CEP162: variants seen among roughly 807,000 people sequenced by gnomAD.
CEP162 encodes centrosomal protein of 162 kDa.
Under a neutral mutation model 169.2 loss-of-function variants are expected in CEP162, and 141 were observed. The observed-to-expected ratio is 0.83, with a 90% CI of 0.73 to 0.96. The LOEUF is 0.96. CEP162 is among the 40% of genes least tolerant of loss of function. CEP162 has a pLI of 0.00. For missense variants in CEP162, 1,600 were observed against 1,587.2 expected (o/e 1.01, Z -0.14); for synonymous variants, 540 against 526.4 (o/e 1.03, Z -0.35).
intron 6 of CEP162, among the ~76,000 whole-genome samples, chr6:84,208,825 A>G (rs563754950): frequency 6.6e-6 from 1 of 152,276 alleles, no homozygotes; most frequent in Non-Finnish European, 1.5e-5. Flanking sequence ...CAAGATAGTT[A>G]TAAGTAATTA....
At chr6:84,155,944 C>G (rs1011578597) in intron 21 of CEP162, among the ~76,000 whole-genome samples, 2 of 152,090 alleles carry the variant, frequency 1.3e-5, no homozygotes, top group Non-Finnish European at 2.9e-5. Context: ...GCAAAAAGAA[C>G]AAAGCTGGAG....
intron 7 of CEP162, among the ~76,000 whole-genome samples, chr6:84,202,521 T>TG (rs1296687811): frequency 1.9e-5 from 2 of 107,648 alleles, no homozygotes; most frequent in Non-Finnish European, 3.7e-5. Context: ...TTTCTTTCTT[T>TG]TTTTTTTTTT....
At chr6:84,129,482 T>G (rs187394438) in intron 25 of CEP162, among the ~76,000 whole-genome samples, 1 of 152,252 alleles carries the variant, frequency 6.6e-6, no homozygotes, top group Non-Finnish European at 1.5e-5. Flanking sequence ...CATAAATGTC[T>G]TCTTTTGAAA....
intron 20 of CEP162, among the ~76,000 whole-genome samples, chr6:84,161,169 T>C (rs1322543387): frequency 6.6e-6 from 1 of 150,506 alleles, no homozygotes; most frequent in Non-Finnish European, 1.5e-5. Flanking sequence ...AGGGAGAGAG[T>C]TGATAAGCTA....
chr6:84,204,374 C>G (rs2099545899), intron 6 of CEP162, among the ~76,000 whole-genome samples: 1 of 152,170 alleles, frequency 6.6e-6, no homozygotes, highest in Admixed American at 6.5e-5. Context: ...TGATAACAAA[C>G]TGTCTCTCAG....
chr6:84,174,502 A>G (rs148315170), intron 15 of CEP162, among the ~76,000 whole-genome samples: 1 of 152,292 alleles, frequency 6.6e-6, no homozygotes, highest in African/African-American at 2.4e-5. Flanking sequence ...CTAACAGAAG[A>G]AAACCATAAA....
intron 25 of CEP162, among the ~76,000 whole-genome samples, chr6:84,135,545 A>C (rs2129188355): frequency 6.6e-6 from 1 of 152,308 alleles, no homozygotes; most frequent in East Asian, 1.9e-4. Context: ...CTGAACCACA[A>C]AATTATTCCT....
chr6:84,206,268 C>T (rs896364051), intron 6 of CEP162, among the ~76,000 whole-genome samples: 2 of 149,118 alleles, frequency 1.3e-5, no homozygotes, highest in African/African-American at 5.2e-5. Context: ...CCAAGACAAT[C>T]CTAAGCAGAA....
intron 2 of CEP162, 146 bp from the exon 3 acceptor site, chr6:84,221,317 AC>A (rs1318069437): frequency 6.6e-6 from 3 of 456,774 alleles, no homozygotes; most frequent in African/African-American, 6.0e-5. Flanking sequence ...GTATAATTTC[AC>A]AGCTACAAAC....
At chr6:84,167,345 C>T (rs893661906) in intron 18 of CEP162, among the ~76,000 whole-genome samples, 1 of 152,098 alleles carries the variant, frequency 6.6e-6, no homozygotes, top group Admixed American at 6.6e-5. Context: ...ATTCCCACAG[C>T]TCTGTTTAAT....
intron 25 of CEP162, among the ~76,000 whole-genome samples, chr6:84,133,488 C>T (rs927037185): frequency 3.9e-5 from 6 of 152,176 alleles, no homozygotes; most frequent in African/African-American, 1.4e-4. Context: ...GCAGGCTGGC[C>T]TCCTTGAGTT....
intron 13 of CEP162, among the ~76,000 whole-genome samples, chr6:84,179,123 A>T (rs564257561): frequency 4.6e-5 from 7 of 152,158 alleles, no homozygotes; most frequent in African/African-American, 7.2e-5. Context: ...ATAAACATAC[A>T]TGTGCATCTG....
At chr6:84,125,302 C>T in intron 26 of CEP162, 26 bp from the exon 27 acceptor site, 1 of 1,591,412 alleles carries the variant, frequency 6.3e-7, no homozygotes, top group Non-Finnish European at 8.6e-7. Flanking sequence ...TTCCACATTG[C>T]TGTTATAGTT....
chr6:84,189,405 G>T (rs928421998), intron 11 of CEP162, among the ~76,000 whole-genome samples: 59 of 152,328 alleles, frequency 3.9e-4, no homozygotes, highest in African/African-American at 1.3e-3. Flanking sequence ...TGCGTGCGGC[G>T]CTTGCGGGCC....
chr6:84,131,596 T>A (rs1003830206), intron 25 of CEP162, among the ~76,000 whole-genome samples: 2 of 151,964 alleles, frequency 1.3e-5, no homozygotes, highest in African/African-American at 4.8e-5. Context: ...TTTACCATTA[T>A]GGCCTTGTCT....
intron 11 of CEP162, among the ~76,000 whole-genome samples, chr6:84,192,083 C>T (rs1359381137): frequency 6.6e-6 from 1 of 152,110 alleles, no homozygotes; most frequent in African/African-American, 2.4e-5. Flanking sequence ...TGGAGCAGAG[C>T]CCCAATCCAA....
intron 6 of CEP162, among the ~76,000 whole-genome samples, chr6:84,206,773 G>A (rs962444507): frequency 6.6e-6 from 1 of 152,186 alleles, no homozygotes; most frequent in African/African-American, 2.4e-5. Context: ...TACCATCAGA[G>A]TGAACAGGCC....
chr6:84,169,016 C>G (rs943960532), intron 18 of CEP162, among the ~76,000 whole-genome samples: 1 of 152,036 alleles, frequency 6.6e-6, no homozygotes, highest in African/African-American at 2.4e-5. Context: ...GTATACATGT[C>G]CTAAATAAAA....
At chr6:84,164,134 T>C (rs1042677891) in intron 18 of CEP162, among the ~76,000 whole-genome samples, 1 of 151,280 alleles carries the variant, frequency 6.6e-6, no homozygotes, top group African/African-American at 2.4e-5. Context: ...GAAATGCAAA[T>C]CAAAACCACA....
Sources: allele counts gnomAD v4.1 joint callset (sites outside exome capture counted in the v4.1 genomes callset), GRCh38; gene constraint gnomAD v4.1.1; transcripts MANE v1.5; gene names NCBI Gene and HGNC (gene_info 2026-07-23, HGNC 2026-07-21).